The following KMT5B variants were observed in gnomAD, a reference collection of about 807,000 sequenced individuals.
The protein encoded by KMT5B is histone-lysine N-methyltransferase KMT5B.
KMT5B carries 10 observed loss-of-function variants against 83.2 expected under a neutral mutation model. The observed-to-expected ratio is 0.12, with a 90% CI of 0.07 to 0.20. The LOEUF is 0.20. KMT5B is among the 10% of genes least tolerant of loss of function. KMT5B has a pLI of 1.00. For missense variants in KMT5B, 753 were observed against 1,067.2 expected (o/e 0.71, Z 4.10); for synonymous variants, 349 against 388.8 (o/e 0.90, Z 1.20).
At chr11:68,179,830 C>T in intron 4 of KMT5B, 1 of 394,644 alleles carries the variant, frequency 2.5e-6, no homozygotes, top group Non-Finnish European at 4.4e-6. Flanking sequence ...TCCTTCTTGA[C>T]CTGAAAATAA....
chr11:68,190,365 C>A (rs1857899555), intron 1 of KMT5B, among the ~76,000 whole-genome samples: 1 of 152,138 alleles, frequency 6.6e-6, no homozygotes, highest in Admixed American at 6.6e-5. Context: ...TTCGTATTGC[C>A]TAGTATTTAC....
chr11:68,207,556 G>T (rs1198229604), intron 1 of KMT5B, among the ~76,000 whole-genome samples: 1 of 152,032 alleles, frequency 6.6e-6, no homozygotes, highest in Non-Finnish European at 1.5e-5. Context: ...ACTTTGGGAG[G>T]CCGAGGTGGG....
In KMT5B at chr11:68,171,271, TAA is replaced by T; in HGVS notation, c.821-22_821-21del. On this transcript the variant is annotated intron_variant, in intron 7 of 10. Coordinates refer to ENST00000304363, the MANE Select transcript of KMT5B (RefSeq NM_017635.5). This position sits in a 1 kb window ranked among gnomAD's most constrained non-coding sequence, Gnocchi z 5.1. The stretch of plus-strand genomic sequence containing the variant: ...TGCAATCTGAAAAATGTCCAAAAGA[TAA>T]AGTCAATTAACTGTTGATAAGATCT... 6.2e-7 allele frequency: 1 copy of T among 1,609,008 alleles called. No individual in the cohort carries two copies. Among genetic ancestry groups the T allele is most frequent in the Non-Finnish European group, 8.5e-7 (1 of 1,178,020 alleles).
intron 10 of KMT5B, chr11:68,166,112 T>C: frequency 6.9e-7 from 1 of 1,450,868 alleles, no homozygotes; most frequent in Non-Finnish European, 9.1e-7. Context: ...GTCAAAACTT[T>C]CTAACTTCTG....
At chr11:68,181,162 C>G (rs543592635) in intron 3 of KMT5B, among the ~76,000 whole-genome samples, 105 of 151,822 alleles carry the variant, frequency 6.9e-4, no homozygotes, top group Middle Eastern at 3.4e-3. Context: ...GCAACCTCTG[C>G]CTCCCAGGTT....
At chr11:68,194,656 G>A (rs1179929311) in intron 1 of KMT5B, among the ~76,000 whole-genome samples, 2 of 152,112 alleles carry the variant, frequency 1.3e-5, no homozygotes, top group Non-Finnish European at 2.9e-5. Flanking sequence ...ACTAAAATCC[G>A]TGACTACATT....
At chr11:68,194,189 GT>G (rs1160247623) in intron 1 of KMT5B, among the ~76,000 whole-genome samples, 515 of 130,640 alleles carry the variant, frequency 3.9e-3, no homozygotes, top group Admixed American at 4.6e-3. Context: ...CAAGTACCAA[GT>G]TTTTTTTTTT....
At position 68,157,814 on chromosome 11, in the gene KMT5B, GTCA is replaced by G. The variant is rs377741521; in HGVS notation, c.2529_2531del (p.Asp844del). 1,540 of 1,614,172 alleles carry G rather than the reference GTCA, an allele frequency of 9.5e-4. 9 individuals are homozygous for G. In the African/African-American group the frequency reaches 0.018, roughly 19 times the overall value. On this transcript the variant is annotated inframe_deletion, in exon 11 of 11. Transcript: ENST00000304363. ...GAAGAGGAATAAAATCGTCTTCAAA[GTCA>G]TCATCATAGTCATCCTCCTCTTCAT...
At chr11:68,183,026 G>A (rs1300770911) in intron 3 of KMT5B, among the ~76,000 whole-genome samples, 3 of 151,878 alleles carry the variant, frequency 2.0e-5, no homozygotes, top group Non-Finnish European at 2.9e-5. Flanking sequence ...GTGAGCCACC[G>A]CACCTGGCCC....
chr11:68,168,748 T>C (rs923610483), intron 9 of KMT5B, among the ~76,000 whole-genome samples: 1 of 152,210 alleles, frequency 6.6e-6, no homozygotes, highest in African/African-American at 2.4e-5. Context: ...CTGGAGTGTC[T>C]AGCGCGACTC....
rs1859423697 is a variant in KMT5B at position 68,157,984 on chromosome 11, T to G, written c.2362A>C (p.Arg788=). 6.2e-7 allele frequency: 1 copy of G among 1,614,014 alleles called. No individual in the cohort carries two copies. The change falls in exon 11 of 11, where the codon AGG becomes CGG. Residue 788 remains arginine (R), a synonymous_variant. Coordinates refer to ENST00000304363, the MANE Select transcript of KMT5B (RefSeq NM_017635.5). ...TGAAGCCCCTCTGTATAAGACCCCCTATTTTCCTCATCTCGTTTTAGCTGG... is the reference window on the plus strand; with the variant it reads ...TGAAGCCCCTCTGTATAAGACCCCCGATTTTCCTCATCTCGTTTTAGCTGG... The part of the protein sequence containing the change: ...KIQLKRDEEN[R]GSYTEGLHEN...
chr11:68,190,219 A>G (rs1014860726), intron 1 of KMT5B, 67 bp from the exon 2 acceptor site: 23 of 710,112 alleles, frequency 3.2e-5, no homozygotes, highest in Non-Finnish European at 4.6e-5. Context: ...ATCATGCTAA[A>G]CAGACCCTTG....
intron 5 of KMT5B, 44 bp from the exon 6 acceptor site, chr11:68,173,957 C>G: frequency 7.8e-7 from 1 of 1,277,950 alleles, no homozygotes; most frequent in Non-Finnish European, 1.1e-6. Context: ...AAATGGTATA[C>G]CCTGCTAGAC....
chr11:68,172,504 G>A (rs1020083001), intron 6 of KMT5B, among the ~76,000 whole-genome samples: 16 of 151,852 alleles, frequency 1.1e-4, no homozygotes, highest in Non-Finnish European at 2.1e-4. Context: ...CAAAGTGCTG[G>A]GATTACAGAT....
intron 1 of KMT5B, among the ~76,000 whole-genome samples, chr11:68,209,259 A>G (rs1860562370): frequency 6.6e-6 from 1 of 152,246 alleles, no homozygotes; most frequent in Non-Finnish European, 1.5e-5. Flanking sequence ...ACTCAGTTCA[A>G]CAAACTTATG....
intron 1 of KMT5B, among the ~76,000 whole-genome samples, chr11:68,205,770 G>T (rs554946178): frequency 6.6e-6 from 1 of 151,736 alleles, no homozygotes; most frequent in Non-Finnish European, 1.5e-5. Flanking sequence ...ACAGACACCC[G>T]CCACCACAAT....
intron 1 of KMT5B, among the ~76,000 whole-genome samples, chr11:68,190,950 G>A (rs1857970469): frequency 6.6e-6 from 1 of 152,206 alleles, no homozygotes; most frequent in African/African-American, 2.4e-5. Context: ...GGGTGACAGA[G>A]CAACCCTGTC....
At chr11:68,170,322 A>G (rs1426652948) in intron 9 of KMT5B, among the ~76,000 whole-genome samples, 1 of 152,144 alleles carries the variant, frequency 6.6e-6, no homozygotes, top group Non-Finnish European at 1.5e-5. Flanking sequence ...AGTGCCTGGC[A>G]CAGTGCAAGA....
intron 1 of KMT5B, among the ~76,000 whole-genome samples, chr11:68,212,170 T>C (rs1219339612): frequency 6.6e-6 from 1 of 152,192 alleles, no homozygotes; most frequent in Non-Finnish European, 1.5e-5. Flanking sequence ...CTGCTTCCTC[T>C]AAAGATCCTA....
Sources: gnomAD v4.1 joint callset for allele counts (sites outside exome capture counted in the v4.1 genomes callset) on GRCh38, gnomAD v4.1.1 for gene constraint, Gnocchi (gnomAD v3.1) non-coding constraint, MANE v1.5 for transcripts, NCBI Gene and HGNC (gene_info 2026-07-23, HGNC 2026-07-21) for gene names.